PTPN2: variants seen among roughly 807,000 people sequenced by gnomAD.
The protein encoded by PTPN2 is tyrosine-protein phosphatase non-receptor type 2.
In PTPN2, 19 loss-of-function variants were observed where a neutral mutation model predicts 57.3. That is an observed-to-expected ratio of 0.33 (90% CI 0.23 to 0.49). The LOEUF (loss-of-function observed/expected upper bound fraction) is 0.49. PTPN2 is among the 20% of genes least tolerant of loss of function. The pLI, the probability that PTPN2 is intolerant of heterozygous loss-of-function variation, is 0.99. For missense variants in PTPN2, 358 were observed against 501.1 expected, an observed-to-expected ratio of 0.71 and a Z score of 2.73; for synonymous variants, 153 against 164.9, an observed-to-expected ratio of 0.93 and a Z score of 0.55.
chr18:12,884,180 G>T lies in PTPN2; in HGVS notation c.-39C>A. 2 of 1,526,832 alleles carry T rather than the reference G, an allele frequency of 1.3e-6. No individual in the cohort carries two copies. The highest frequency in any genetic ancestry group is 1.8e-6 in the Non-Finnish European group (2 of 1,129,458). The allele number at this position is 1,526,832 out of a possible 1,614,324, so 94.6% of individuals were successfully genotyped here. A position where few individuals can be genotyped will look rare whatever the true frequency, so the allele number is the denominator to read the frequency against. On this transcript the variant is annotated 5_prime_UTR_variant, in exon 1 of 9. Coordinates refer to ENST00000309660, the MANE Select transcript of PTPN2 (RefSeq NM_002828.4). ...AGCTGGCGCGAGCAGAGCCTGCGCC[G>T]GCGGAGAGGCTCAGGCCCCGCACGA...
At chr18:12,808,141 C>G (rs8096138) in intron 7 of PTPN2, among the ~76,000 whole-genome samples, 18,948 of 151,998 alleles carry the variant, frequency 0.12, 1,416 homozygotes, top group South Asian at 0.19. Flanking sequence ...GAGCCATGAT[C>G]GTGCCACTGT....
At chr18:12,867,930 T>C (rs1464296453) in intron 1 of PTPN2, among the ~76,000 whole-genome samples, 2 of 152,256 alleles carry the variant, frequency 1.3e-5, no homozygotes, top group Non-Finnish European at 2.9e-5. Context: ...ATGCCCTCAA[T>C]GATCTTGGGG....
chr18:12,857,704 C>T (rs992540212), intron 2 of PTPN2, among the ~76,000 whole-genome samples: 16 of 152,122 alleles, frequency 1.1e-4, no homozygotes, highest in Non-Finnish European at 2.9e-5. Context: ...ATTCCCTGAA[C>T]GCACACCCAC....
chr18:12,829,916 C>T (rs2042609844), intron 4 of PTPN2, among the ~76,000 whole-genome samples: 1 of 152,126 alleles, frequency 6.6e-6, no homozygotes, highest in South Asian at 2.1e-4. Flanking sequence ...AAGTAATCTT[C>T]CCCAAAATAA....
At position 12,825,989 on chromosome 18, in the gene PTPN2, AT is replaced by A. The variant is rs758105045; in HGVS notation, c.361-46del. On this transcript the variant is annotated intron_variant, in intron 4 of 8. Coordinates refer to ENST00000309660, the MANE Select transcript of PTPN2 (RefSeq NM_002828.4). The stretch of plus-strand genomic sequence containing the variant: ...TATGATTTTTTTTTAGTTTATAGAC[AT>A]CATGAAACCATAAAGTTAAAAAATG... 5 of 1,464,522 alleles carry A rather than the reference AT, an allele frequency of 3.4e-6. No individual in the cohort carries two copies. In the East Asian group the frequency reaches 1.2e-4, roughly 34 times the overall value. The allele number at this position is 1,464,522 out of a possible 1,614,324, so 90.7% of individuals were successfully genotyped here.
intron 3 of PTPN2, among the ~76,000 whole-genome samples, chr18:12,831,489 C>CA (rs1313673248): frequency 1.3e-5 from 2 of 152,158 alleles, no homozygotes; most frequent in African/African-American, 4.8e-5. Context: ...AAATCAGAGA[C>CA]AAAATCACGA....
chr18:12,875,853 G>C (rs1037961515), intron 1 of PTPN2, among the ~76,000 whole-genome samples: 2 of 152,188 alleles, frequency 1.3e-5, no homozygotes, highest in Non-Finnish European at 2.9e-5. Flanking sequence ...TGAGAGAGCT[G>C]TAACAGTTCT....
chr18:12,875,507 G>A (rs2044457847), intron 1 of PTPN2, among the ~76,000 whole-genome samples: 1 of 142,688 alleles, frequency 7.0e-6, no homozygotes, highest in Non-Finnish European at 1.5e-5. Flanking sequence ...CCAAAGTAAG[G>A]GTGGTATTAT....
intron 2 of PTPN2, among the ~76,000 whole-genome samples, chr18:12,847,581 T>C (rs930893282): frequency 1.3e-5 from 2 of 152,018 alleles, no homozygotes; most frequent in African/African-American, 4.8e-5. Context: ...ATTAACATCA[T>C]AAATAGCTTT....
intron 6 of PTPN2, among the ~76,000 whole-genome samples, chr18:12,816,691 T>C (rs1020804832): frequency 1.3e-5 from 2 of 152,222 alleles, no homozygotes; most frequent in Admixed American, 6.5e-5. Context: ...CTGACATTTA[T>C]GGAATGCTCA....
chr18:12,853,417 A>G (rs954539623), intron 2 of PTPN2, among the ~76,000 whole-genome samples: 1 of 152,210 alleles, frequency 6.6e-6, no homozygotes, highest in African/African-American at 2.4e-5. Context: ...TTGGGATTAT[A>G]AGCATGAGCC....
At chr18:12,863,541 T>TG (rs2043885581) in intron 1 of PTPN2, 1 of 65,274 alleles carries the variant, frequency 1.5e-5, no homozygotes, top group African/African-American at 5.8e-5. Context: ...TTAGGCTAGC[T>TG]AATTTTTTTT....
rs201293012 is a variant in PTPN2, at chr18:12,855,198, G to GGGA, written c.160+3963_160+3965dup. 4.1e-3 allele frequency among the ~76,000 whole-genome samples: 617 copies of GGGA among 152,310 alleles called. 2 individuals are homozygous for GGGA. Among genetic ancestry groups the GGGA allele is most frequent in the African/African-American group, 0.014 (570 of 41,568 alleles). ...AGCATGGGCTGAAGTGTGCATGGTGGGGAGGGTGGAGAGACAAATGGCACA... is the reference window on the plus strand; with the variant it reads ...AGCATGGGCTGAAGTGTGCATGGTGGGGAGGAGGGTGGAGAGACAAATGGCACA... On this transcript the variant is annotated intron_variant, in intron 2 of 8. Transcript: ENST00000309660.
At position 12,849,863 on chromosome 18, in the gene PTPN2, T is replaced by C. The variant is rs576477220; in HGVS notation, c.160+9301A>G. Among the ~76,000 whole-genome samples, 19 of 152,244 alleles carry C rather than the reference T, an allele frequency of 1.2e-4. 1 individual carries two copies. In the Middle Eastern group the frequency reaches 0.014, roughly 109 times the overall value. On this transcript the variant is annotated intron_variant, in intron 2 of 8. Coordinates refer to ENST00000309660, the MANE Select transcript of PTPN2 (RefSeq NM_002828.4). ...AAATTATGTTTTTCTAGGAATCTGT[T>C]CCATTTTTTCTAAAAAATCATATTT...
chr18:12,858,393 C>T (rs2145471624), intron 2 of PTPN2, among the ~76,000 whole-genome samples: 1 of 152,296 alleles, frequency 6.6e-6, no homozygotes, highest in East Asian at 1.9e-4. Flanking sequence ...AAAATAAAAT[C>T]ACCGCATGAT....
intron 2 of PTPN2, chr18:12,841,119 G>A: frequency 4.5e-6 from 2 of 447,428 alleles, no homozygotes; most frequent in Non-Finnish European, 5.9e-6. Flanking sequence ...ATAAAATATT[G>A]TGGGAAGGAG....
chr18:12,875,205 G>C (rs28452535), intron 1 of PTPN2, among the ~76,000 whole-genome samples: 57 of 152,036 alleles, frequency 3.7e-4, no homozygotes, highest in African/African-American at 1.4e-3. Context: ...AGGAAAACCA[G>C]AGACCTTTGT....
intron 1 of PTPN2, among the ~76,000 whole-genome samples, chr18:12,873,806 C>T (rs1435213815): frequency 2.6e-5 from 4 of 151,940 alleles, no homozygotes; most frequent in East Asian, 1.9e-4. Flanking sequence ...AAGTGATGAG[C>T]ATCTCTGCCC....
chr18:12,876,250 C>T (rs1190728374), intron 1 of PTPN2, among the ~76,000 whole-genome samples: 3 of 138,626 alleles, frequency 2.2e-5, no homozygotes, highest in African/African-American at 5.5e-5. Flanking sequence ...CACTTGAGGC[C>T]GGGAGTTCAA....
Sources: gnomAD v4.1 joint callset for allele counts (sites outside exome capture counted in the v4.1 genomes callset) on GRCh38, gnomAD v4.1.1 for gene constraint, MANE v1.5 for transcripts, NCBI Gene and HGNC (gene_info 2026-07-23, HGNC 2026-07-21) for gene names.